Variants in CDK19 observed in about 807,000 individuals in gnomAD.
The protein encoded by CDK19 is cyclin dependent kinase 19, also known as cyclin-dependent kinase 19.
In CDK19, 20 loss-of-function variants were observed where a neutral mutation model predicts 68.3. The observed-to-expected ratio is 0.29, with a 90% CI of 0.21 to 0.43. The LOEUF is 0.43. CDK19 is among the 20% of genes least tolerant of loss of function. CDK19 has a pLI of 1.00. For missense variants in CDK19, 339 were observed against 623.5 expected, an observed-to-expected ratio of 0.54 and a Z score of 4.86; for synonymous variants, 221 against 222.8, an observed-to-expected ratio of 0.99 and a Z score of 0.07.
At chr6:110,794,991 A>G (rs1781844852) in intron 1 of CDK19, among the ~76,000 whole-genome samples, 1 of 152,170 alleles carries the variant, frequency 6.6e-6, no homozygotes, top group South Asian at 2.1e-4. Context: ...TGTTTTGGTG[A>G]CAGGGTCTCA....
intron 1 of CDK19, among the ~76,000 whole-genome samples, chr6:110,756,553 T>TAA (rs757035955): frequency 7.1e-6 from 1 of 141,276 alleles, no homozygotes. Context: ...GACCCTGTCT[T>TAA]AAAAAAAAAA....
At chr6:110,664,949 G>A (rs1053366843) in intron 4 of CDK19, among the ~76,000 whole-genome samples, 2 of 152,210 alleles carry the variant, frequency 1.3e-5, no homozygotes, top group East Asian at 3.8e-4. Flanking sequence ...ATTAAGGCAG[G>A]AAATCCCAGG....
At chr6:110,800,220 G>A (rs1782255322) in intron 1 of CDK19, among the ~76,000 whole-genome samples, 1 of 152,094 alleles carries the variant, frequency 6.6e-6, no homozygotes, top group East Asian at 1.9e-4. Flanking sequence ...TAACATTCAT[G>A]TTAGAAAGAC....
chr6:110,615,383 G>T (rs1162985664), intron 12 of CDK19, among the ~76,000 whole-genome samples: 1 of 152,102 alleles, frequency 6.6e-6, no homozygotes, highest in Non-Finnish European at 1.5e-5. Flanking sequence ...TGTGTAAAAG[G>T]AAAAATCATC....
intron 1 of CDK19, among the ~76,000 whole-genome samples, chr6:110,753,453 G>A (rs1412555834): frequency 6.6e-6 from 1 of 150,504 alleles, no homozygotes; most frequent in Non-Finnish European, 1.5e-5. Flanking sequence ...GCGCGATCAT[G>A]GCTCACTACA....
chr6:110,779,574 A>G (rs1016269341), intron 1 of CDK19, among the ~76,000 whole-genome samples: 1 of 152,160 alleles, frequency 6.6e-6, no homozygotes, highest in Non-Finnish European at 1.5e-5. Flanking sequence ...AACTCAATAA[A>G]TGTTAGATGA....
intron 1 of CDK19, among the ~76,000 whole-genome samples, chr6:110,796,090 G>C (rs1224338818): frequency 6.6e-6 from 1 of 152,150 alleles, no homozygotes; most frequent in African/African-American, 2.4e-5. Context: ...TGTAATCCCA[G>C]TACTTTGGGA....
At chr6:110,803,799 C>T (rs1363305867) in intron 1 of CDK19, among the ~76,000 whole-genome samples, 2 of 152,142 alleles carry the variant, frequency 1.3e-5, no homozygotes, top group African/African-American at 2.4e-5. Context: ...AATCCACTGT[C>T]TCTACAAGAA....
chr6:110,766,126 T>A (rs1452393863), intron 1 of CDK19, among the ~76,000 whole-genome samples: 1 of 152,222 alleles, frequency 6.6e-6, no homozygotes, highest in Non-Finnish European at 1.5e-5. Flanking sequence ...AGAATCAGTA[T>A]GTCAAAGAGA....
intron 2 of CDK19, among the ~76,000 whole-genome samples, chr6:110,686,250 A>G (rs1228589123): frequency 6.6e-6 from 1 of 152,234 alleles, no homozygotes; most frequent in Non-Finnish European, 1.5e-5. Context: ...CAGAGTGCAT[A>G]TGTAGGAAAC....
At chr6:110,712,845 G>C (rs1775046635) in intron 2 of CDK19, among the ~76,000 whole-genome samples, 1 of 150,678 alleles carries the variant, frequency 6.6e-6, no homozygotes, top group Non-Finnish European at 1.5e-5. Context: ...ACGGTAAGAA[G>C]TTAAGTAGAT....
chr6:110,702,659 AC>A (rs1774106345), intron 2 of CDK19, among the ~76,000 whole-genome samples: 1 of 152,124 alleles, frequency 6.6e-6, no homozygotes, highest in African/African-American at 2.4e-5. Context: ...ATGACCTTTG[AC>A]TTGGGGGTTA....
At position 110,632,011 on chromosome 6, in the gene CDK19, T is replaced by A. The variant is rs764259503; in HGVS notation, c.646+19A>T. On this transcript the variant is annotated intron_variant, in intron 6 of 12. Transcript: ENST00000368911. ...GATCGTTAGATGACAAGATAGTAAA[T>A]CATTTTAGACCAACTTACCAATGGC... 126 of 1,589,978 alleles carry A rather than the reference T, an allele frequency of 7.9e-5. No homozygotes were observed. The highest frequency in any genetic ancestry group is 1.6e-4 in the Admixed American group (9 of 56,134).
chr6:110,790,396 G>A (rs1362591666), intron 1 of CDK19, among the ~76,000 whole-genome samples: 1 of 152,036 alleles, frequency 6.6e-6, no homozygotes, highest in Admixed American at 6.5e-5. Flanking sequence ...TTAGCCCAGC[G>A]TGGTGGCAGG....
chr6:110,787,971 C>A (rs1307976919), intron 1 of CDK19, among the ~76,000 whole-genome samples: 1 of 151,882 alleles, frequency 6.6e-6, no homozygotes, highest in African/African-American at 2.4e-5. Flanking sequence ...TCCTGAGGAG[C>A]TGGGATTACA....
chr6:110,717,002 T>A (rs1215697469), intron 2 of CDK19, among the ~76,000 whole-genome samples: 1 of 152,098 alleles, frequency 6.6e-6, no homozygotes, highest in Non-Finnish European at 1.5e-5. Context: ...CATGGTGGCA[T>A]GTGCCTGTAG....
chr6:110,674,932 C>T (rs1407122030), intron 2 of CDK19, among the ~76,000 whole-genome samples: 1 of 151,374 alleles, frequency 6.6e-6, no homozygotes, highest in Non-Finnish European at 1.5e-5. Flanking sequence ...AAGCCTAATC[C>T]AGAACAAGGC....
chr6:110,723,346 C>A (rs922509981), intron 2 of CDK19, among the ~76,000 whole-genome samples: 1 of 152,104 alleles, frequency 6.6e-6, no homozygotes, highest in African/African-American at 2.4e-5. Context: ...GTCTTCCCAA[C>A]TGAGATCCCA....
intron 2 of CDK19, among the ~76,000 whole-genome samples, chr6:110,713,407 G>C (rs1006910250): frequency 6.7e-6 from 1 of 148,346 alleles, no homozygotes; most frequent in African/African-American, 2.5e-5. Flanking sequence ...ACTCCAGCCT[G>C]GGTGACAGAG....
Sources: allele counts gnomAD v4.1 joint callset (sites outside exome capture counted in the v4.1 genomes callset), GRCh38; gene constraint gnomAD v4.1.1; transcripts MANE v1.5; gene names NCBI Gene and HGNC (gene_info 2026-07-23, HGNC 2026-07-21).